The following CRTC1 variants were observed in gnomAD, a reference collection of about 807,000 sequenced individuals.
CRTC1 encodes CREB-regulated transcription coactivator 1.
A neutral mutation model predicts 66.1 loss-of-function variants in CRTC1; 18 were observed. The observed-to-expected ratio is 0.27, with a 90% CI of 0.19 to 0.40. The LOEUF (loss-of-function observed/expected upper bound fraction) is 0.40, where lower values mean the gene tolerates loss of function less well. Among genes scored for constraint, CRTC1 ranks in the 10% least tolerant of loss-of-function variants. CRTC1 has a pLI of 1.00. For synonymous variants in CRTC1, 416 were observed against 398.8 expected (o/e 1.04, Z -0.51); for missense variants, 669 against 887.9 (o/e 0.75, Z 3.13).
chr19:18,683,682 G>A lies in CRTC1; in HGVS notation c.-21G>A. On this transcript the variant is annotated 5_prime_UTR_variant, in exon 1 of 14. Transcript: ENST00000321949. ...AGGAGGTGGAGGAGGAGGAGGAGGA[G>A]GAGGAGGTGGCGGCGAGAAGATGGC... 1 of 1,385,200 alleles carries A rather than the reference G, an allele frequency of 7.2e-7. No individual in the cohort carries two copies. Among genetic ancestry groups the A allele is most frequent in the Non-Finnish European group, 9.6e-7 (1 of 1,043,654 alleles). The allele number at this position is 1,385,200 out of a possible 1,614,324, so 85.8% of individuals were successfully genotyped here.
Position 18,701,927 on chromosome 19 carries a change from T to G in CRTC1, c.126+18099T>G, listed in dbSNP as rs189408860. ...GCCACCGCGCCCACCGTTTTGTTTT[T>G]TTTTTTTTTTTTTGAGACGGAGTTT... On this transcript the variant is annotated intron_variant, in intron 1 of 13. Transcript: ENST00000321949. Among the ~76,000 whole-genome samples the G allele has an allele frequency of 5.1e-3, 762 of 149,964 alleles. 9 individuals carry two copies. Among genetic ancestry groups the G allele is most frequent in the African/African-American group, 0.016 (666 of 40,648 alleles).
chr19:18,692,077 G>A (rs1232182073), intron 1 of CRTC1, among the ~76,000 whole-genome samples: 3 of 151,858 alleles, frequency 2.0e-5, no homozygotes, highest in African/African-American at 4.8e-5. Context: ...CTCCAACCCC[G>A]ACCCTGTGGT....
chr19:18,771,050 G>T lies in CRTC1; in HGVS notation c.1321-392G>T, dbSNP rs746064061. On this transcript the variant is annotated intron_variant, in intron 10 of 13. Coordinates refer to ENST00000321949, the MANE Select transcript of CRTC1 (RefSeq NM_015321.3). This position sits in a 1 kb window ranked among gnomAD's most constrained non-coding sequence, Gnocchi z 4.6. ...CACATGTGTGGGTGTGCATGTGTGG[G>T]TATGTATATTCTAGTGTGGATATGT... Among the ~76,000 whole-genome samples, 3 of 151,876 alleles carry T rather than the reference G, an allele frequency of 2.0e-5. No homozygotes were observed.
rs565408074 is a variant in CRTC1 at position 18,760,353 on chromosome 19, G to A, written c.886+125G>A. 3.2e-5 allele frequency: 26 copies of A among 823,128 alleles called. No homozygotes were observed. The highest frequency in any genetic ancestry group is 1.5e-4 in the South Asian group (9 of 58,948). 51.0% of individuals were successfully genotyped at this position (823,128 alleles called of 1,614,324 possible). A position where few individuals can be genotyped will look rare whatever the true frequency, so the allele number is the denominator to read the frequency against. ...GGCATGGGGGACAGGGCTGGGGGGC[G>A]GCCGACAGGCTGACCCAGCGGGCAC... On this transcript the variant is annotated intron_variant, in intron 8 of 13. Transcript: ENST00000321949. The surrounding 1 kb of genome is among the most constrained non-coding windows in gnomAD (Gnocchi z 6.2).
intron 1 of CRTC1, among the ~76,000 whole-genome samples, chr19:18,708,134 G>A (rs117437308): frequency 0.017 from 2,549 of 152,276 alleles, 50 homozygotes; most frequent in Admixed American, 0.04. Context: ...TCTTTGGGTG[G>A]AGGAGAAACA....
intron 1 of CRTC1, among the ~76,000 whole-genome samples, chr19:18,720,525 G>GTTTTTTTTTTTTTTTT: frequency 9.5e-6 from 1 of 105,046 alleles, no homozygotes; most frequent in Non-Finnish European, 1.9e-5. Flanking sequence ...AATTTTTAGT[G>GTTTTTTTTTTTTTTTT]TTTTTTTTTT....
rs76215850 is a variant in CRTC1 at position 18,747,329 on chromosome 19, A to C, written c.443+215A>C. ...CATTTCCCTTCCCCCCACTTATGAC[A>C]AAAAAAAAGACAAAAACAAAAGTGG... On this transcript the variant is annotated intron_variant, in intron 4 of 13. Transcript: ENST00000321949. Among the ~76,000 whole-genome samples the C allele has an allele frequency of 4.4e-3, 646 of 146,158 alleles. 7 individuals are homozygous for C. Among genetic ancestry groups the C allele is most frequent in the African/African-American group, 0.015 (629 of 40,896 alleles).
chr19:18,775,572 A>G, intron 12 of CRTC1, 69 bp from the exon 13 acceptor site: 1 of 1,373,324 alleles, frequency 7.3e-7, no homozygotes, highest in Non-Finnish European at 9.7e-7. Context: ...CACAGCAGCC[A>G]AGGGCTTGGG....
chr19:18,764,159 G>A (rs932949696), intron 8 of CRTC1, among the ~76,000 whole-genome samples: 2 of 152,200 alleles, frequency 1.3e-5, no homozygotes, highest in Admixed American at 6.5e-5. Flanking sequence ...ATCTCCCCTC[G>A]GCGCTTGTCG....
At chr19:18,769,395 T>C (rs1046498812) in intron 10 of CRTC1, among the ~76,000 whole-genome samples, 1 of 152,226 alleles carries the variant, frequency 6.6e-6, no homozygotes, top group Non-Finnish European at 1.5e-5. Context: ...GGCAAACAGC[T>C]GCATTGGGCC....
intron 1 of CRTC1, among the ~76,000 whole-genome samples, chr19:18,703,967 ATCAT>A (rs2053204735): frequency 6.6e-6 from 1 of 152,086 alleles, no homozygotes. Context: ...ATGTCTCCTC[ATCAT>A]CCGTGACCTT....
chr19:18,768,572 C>A lies in CRTC1; in HGVS notation c.1099C>A (p.Pro367Thr). ...QAGSQQPPPQPQPPPPPPPAS... is the reference protein window; with the variant it reads ...QAGSQQPPPQTQPPPPPPPAS... ...GGGCTCCCAGCAGCCACCGCCGCAG[C>A]CCCAGCCCCCGCCGCCTCCTCCACC... Residue 367 changes from proline (P) to threonine (T), a missense_variant, in exon 10 of 14, where the codon CCC becomes ACC. By Grantham distance (38) the Pro-to-Thr change is conservative. This residue lies in a region of CRTC1 where 241 missense variants were observed against 242.2 expected (regional missense o/e 0.99). Transcript: ENST00000321949. The surrounding 1 kb of genome is among the most constrained non-coding windows in gnomAD (Gnocchi z 5.6). 2 of 1,592,100 alleles carry A rather than the reference C, an allele frequency of 1.3e-6. No homozygotes were observed. Among genetic ancestry groups the A allele is most frequent in the South Asian group, 2.2e-5 (2 of 88,938 alleles).
Position 18,760,008 on chromosome 19 carries a change from C to T in CRTC1, c.666C>T (p.Asn222=). 1 of 1,572,478 alleles carries T rather than the reference C, an allele frequency of 6.4e-7. No homozygotes were observed. Among genetic ancestry groups the T allele is most frequent in the African/African-American group, 1.4e-5 (1 of 73,226 alleles). Reference sequence around the variant, plus strand: ...CTGCCTGCCTCTGGCCTTTTCCCAGCATCTTCCCGTCTGCCGACCAGGAAA... The same window carrying T: ...CTGCCTGCCTCTGGCCTTTTCCCAGTATCTTCCCGTCTGCCGACCAGGAAA... ...RPKSCEVPGI[N]IFPSADQENT... is the part of the protein sequence containing the mutation. Residue 222 remains asparagine, a splice_region_variant and synonymous_variant, in exon 8 of 14, where the codon AAC becomes AAT. Transcript: ENST00000321949. This position sits in a 1 kb window ranked among gnomAD's most constrained non-coding sequence, Gnocchi z 6.2.
intron 1 of CRTC1, among the ~76,000 whole-genome samples, chr19:18,708,847 C>T (rs1408210840): frequency 3.3e-5 from 5 of 152,296 alleles, no homozygotes; most frequent in African/African-American, 1.2e-4. Context: ...GTTTCCTGCC[C>T]CTACTCAGCC....
rs182279179 is a variant in CRTC1 at position 18,699,121 on chromosome 19, C to T, written c.126+15293C>T. The stretch of plus-strand genomic sequence containing the variant: ...CAGGTGCTCAGCAGGCATCAGCAGG[C>T]TCTGGAATCTGACCTCCCTGTGGGC... On this transcript the variant is annotated intron_variant, in intron 1 of 13. Transcript: ENST00000321949. Among the ~76,000 whole-genome samples, 375 of 152,338 alleles carry T rather than the reference C, an allele frequency of 2.5e-3. 2 individuals carry two copies. Among genetic ancestry groups the T allele is most frequent in the African/African-American group, 8.7e-3 (362 of 41,574 alleles).
At chr19:18,728,129 T>G (rs1459041554) in intron 1 of CRTC1, among the ~76,000 whole-genome samples, 1 of 152,138 alleles carries the variant, frequency 6.6e-6, no homozygotes, top group African/African-American at 2.4e-5. Context: ...GAGACTGATA[T>G]CATGCCCAAG....
chr19:18,727,580 C>CAAAAAAAAAAAAAAAAAAA (rs60907638), intron 1 of CRTC1, among the ~76,000 whole-genome samples: 7 of 51,780 alleles, frequency 1.4e-4, no homozygotes, highest in East Asian at 7.8e-4. Context: ...GACTCTGTCT[C>CAAAAAAAAAAAAAAAAAAA]AAAAAAAAAA....
intron 5 of CRTC1, 89 bp from the exon 6 acceptor site, chr19:18,753,411 T>C: frequency 1.1e-6 from 1 of 906,352 alleles, no homozygotes; most frequent in Non-Finnish European, 1.8e-6. Flanking sequence ...CATGACTCCG[T>C]GTGTCAGGGA....
intron 1 of CRTC1, among the ~76,000 whole-genome samples, chr19:18,721,470 G>A (rs1357174556): frequency 6.8e-6 from 1 of 147,812 alleles, no homozygotes; most frequent in Non-Finnish European, 1.5e-5. Context: ...TGGGATTACA[G>A]GCATGAGCCA....
Sources: gnomAD v4.1 joint callset for allele counts (sites outside exome capture counted in the v4.1 genomes callset) on GRCh38, gnomAD v4.1.1 for gene constraint, gnomAD v4.1.1 regional missense constraint, Gnocchi (gnomAD v3.1) non-coding constraint, MANE v1.5 for transcripts, NCBI Gene and HGNC (gene_info 2026-07-23, HGNC 2026-07-21) for gene names.